Variants in UNC13C observed in about 807,000 individuals in gnomAD.
The protein encoded by UNC13C is protein unc-13 homolog C.
UNC13C carries 174 observed loss-of-function variants against 245.4 expected under a neutral mutation model. The observed-to-expected ratio is 0.71, with a 90% CI of 0.63 to 0.80. UNC13C has a LOEUF of 0.80. Ranked by LOEUF, UNC13C falls within the 30% of genes least tolerant of loss-of-function variation. The pLI, the probability that UNC13C is intolerant of heterozygous loss-of-function variation, is 0.00. For missense variants in UNC13C, 2,829 were observed against 2,602.9 expected (o/e 1.09, Z -1.89); for synonymous variants, 992 against 895.1 (o/e 1.11, Z -1.93).
chr15:54,072,564 A>C (rs11071027), intron 2 of UNC13C, among the ~76,000 whole-genome samples: 74,858 of 151,960 alleles, frequency 0.49, 20,296 homozygotes, highest in Non-Finnish European at 0.61. Flanking sequence ...AGATAACACA[A>C]GACCTTTTTA....
chr15:54,122,429 A>T (rs1217470589), intron 2 of UNC13C, among the ~76,000 whole-genome samples: 1 of 151,934 alleles, frequency 6.6e-6, no homozygotes, highest in East Asian at 1.9e-4. Context: ...TCTTTTTTCA[A>T]TCCTTTAACA....
chr15:54,254,155 T>C (rs968503954), intron 8 of UNC13C, among the ~76,000 whole-genome samples: 8 of 152,206 alleles, frequency 5.3e-5, no homozygotes, highest in African/African-American at 1.9e-4. Context: ...AAATTAGATA[T>C]TGATTCTCCT....
chr15:53,955,044 A>T, the UNC13C span, among the ~76,000 whole-genome samples: 31 of 152,342 alleles, frequency 2.0e-4, no homozygotes, highest in African/African-American at 7.0e-4. Context: ...TTTCATGACT[A>T]TAAGAAGAGA....
At chr15:54,184,844 C>G (rs557051214) in intron 4 of UNC13C, among the ~76,000 whole-genome samples, 5 of 152,174 alleles carry the variant, frequency 3.3e-5, no homozygotes, top group African/African-American at 1.2e-4. Flanking sequence ...AATTGCCACA[C>G]CGACTTCCAC....
At chr15:54,554,552 T>C (rs918246904) in intron 28 of UNC13C, among the ~76,000 whole-genome samples, 5 of 152,056 alleles carry the variant, frequency 3.3e-5, no homozygotes, top group African/African-American at 7.2e-5. Context: ...ATTCACAAAG[T>C]CACCTACATA....
the UNC13C span, among the ~76,000 whole-genome samples, chr15:53,931,766 A>T: frequency 2.0e-5 from 3 of 152,112 alleles, no homozygotes; most frequent in African/African-American, 7.2e-5. Context: ...GTTTTTGTTA[A>T]AATCGTCTTT....
chr15:54,578,740 A>G (rs8040048), intron 30 of UNC13C, among the ~76,000 whole-genome samples: 63,369 of 151,942 alleles, frequency 0.42, 13,692 homozygotes, highest in East Asian at 0.58. Context: ...TGTAATCCTA[A>G]CACTTTGGGA....
intron 10 of UNC13C, among the ~76,000 whole-genome samples, chr15:54,283,710 A>ATGTG (rs56013029): frequency 6.7e-6 from 1 of 149,584 alleles, no homozygotes; most frequent in Non-Finnish European, 1.5e-5. Flanking sequence ...GTATATATAT[A>ATGTG]TGTGTGTGTG....
intron 2 of UNC13C, among the ~76,000 whole-genome samples, chr15:54,056,932 G>T (rs1299541531): frequency 1.3e-5 from 2 of 152,128 alleles, no homozygotes; most frequent in African/African-American, 4.8e-5. Flanking sequence ...TCACCACCAG[G>T]CCTGCCCTAC....
chr15:53,991,791 T>C (rs1894403463), intron 1 of UNC13C, among the ~76,000 whole-genome samples: 1 of 152,036 alleles, frequency 6.6e-6, no homozygotes, highest in Non-Finnish European at 1.5e-5. Context: ...CTAACCTCAA[T>C]TGTTTTTGGT....
chr15:54,449,109 C>G (rs987529501), intron 19 of UNC13C, among the ~76,000 whole-genome samples: 7 of 152,208 alleles, frequency 4.6e-5, no homozygotes, highest in African/African-American at 1.7e-4. Context: ...GGCCCCCACT[C>G]TCTTCTGGCT....
chr15:54,568,076 G>C, intron 30 of UNC13C, 129 bp downstream of exon 30: 1 of 633,230 alleles, frequency 1.6e-6, no homozygotes, highest in Non-Finnish European at 2.4e-6. Flanking sequence ...AAAATGGAGA[G>C]TTATGGTTAA....
intron 4 of UNC13C, among the ~76,000 whole-genome samples, chr15:54,155,443 T>C (rs2032701487): frequency 6.6e-6 from 1 of 152,210 alleles, no homozygotes; most frequent in Non-Finnish European, 1.5e-5. Context: ...AATGAGGCTC[T>C]GTTTTCTTTA....
chr15:53,890,236 G>T, the UNC13C span, among the ~76,000 whole-genome samples: 3 of 151,626 alleles, frequency 2.0e-5, no homozygotes, highest in South Asian at 2.1e-4. Flanking sequence ...CCGCCTTCTG[G>T]GTTCACACCA....
intron 2 of UNC13C, among the ~76,000 whole-genome samples, chr15:54,078,798 T>C (rs1898776290): frequency 6.6e-6 from 1 of 152,162 alleles, no homozygotes; most frequent in Non-Finnish European, 1.5e-5. Flanking sequence ...TTGTTTCTTT[T>C]GCTGTGCAGG....
chr15:54,450,913 C>T (rs184909578), intron 19 of UNC13C, among the ~76,000 whole-genome samples: 1 of 152,274 alleles, frequency 6.6e-6, no homozygotes, highest in East Asian at 1.9e-4. Context: ...ATCTTGGAAC[C>T]ACCCAAGAGT....
chr15:54,156,827 T>A (rs961714663), intron 4 of UNC13C, among the ~76,000 whole-genome samples: 1 of 106,716 alleles, frequency 9.4e-6, no homozygotes, highest in Non-Finnish European at 2.0e-5. Flanking sequence ...GTGAAATTGA[T>A]GGGCAACATA....
chr15:54,532,660 T>TTC (rs1895806317), intron 25 of UNC13C, among the ~76,000 whole-genome samples: 1 of 151,724 alleles, frequency 6.6e-6, no homozygotes, highest in Non-Finnish European at 1.5e-5. Context: ...ACTGTGACTA[T>TTC]CAGAGGTGGG....
chr15:54,411,917 A>G (rs1476036183), intron 18 of UNC13C, among the ~76,000 whole-genome samples: 1 of 152,178 alleles, frequency 6.6e-6, no homozygotes, highest in African/African-American at 2.4e-5. Context: ...TGAGTGTATC[A>G]GTCTGTAAAT....
Sources: allele counts gnomAD v4.1 joint callset (sites outside exome capture counted in the v4.1 genomes callset), GRCh38; gene constraint gnomAD v4.1.1; transcripts MANE v1.5; gene names NCBI Gene and HGNC (gene_info 2026-07-23, HGNC 2026-07-21).